RABGAP1L: variants seen among roughly 807,000 people sequenced by gnomAD.
RABGAP1L encodes RAB GTPase activating protein 1 like, also known as rab GTPase-activating protein 1-like.
RABGAP1L carries 63 observed loss-of-function variants against 137.7 expected under a neutral mutation model. The observed-to-expected ratio is 0.46, with a 90% CI of 0.37 to 0.56. RABGAP1L has a LOEUF of 0.56. RABGAP1L is among the 20% of genes least tolerant of loss of function. The pLI is 0.00. For synonymous variants in RABGAP1L, 431 were observed against 433.7 expected, an observed-to-expected ratio of 0.99 and a Z score of 0.08; for missense variants, 1,095 against 1,244.0, an observed-to-expected ratio of 0.88 and a Z score of 1.80.
chr1:174,316,750 C>T (rs898816531), intron 11 of RABGAP1L, among the ~76,000 whole-genome samples: 1 of 152,092 alleles, frequency 6.6e-6, no homozygotes, highest in Non-Finnish European at 1.5e-5. Context: ...TGGGGAGGTC[C>T]CTCAGACCCC....
chr1:174,350,082 G>A (rs1425115076), intron 11 of RABGAP1L, among the ~76,000 whole-genome samples: 21 of 138,442 alleles, frequency 1.5e-4, no homozygotes, highest in Admixed American at 4.1e-4. Context: ...CTGGCTGGGC[G>A]GGGGGCTGAC....
chr1:174,600,223 C>T (rs895035492), intron 13 of RABGAP1L, among the ~76,000 whole-genome samples: 3 of 152,166 alleles, frequency 2.0e-5, no homozygotes. Context: ...TCAATCACCT[C>T]CACCTGGGTC....
intron 15 of RABGAP1L, among the ~76,000 whole-genome samples, chr1:174,692,168 G>C (rs1678920487): frequency 6.6e-6 from 1 of 152,056 alleles, no homozygotes; most frequent in Non-Finnish European, 1.5e-5. Flanking sequence ...TAAAAAGGCA[G>C]ATATATGCAG....
At chr1:174,978,713 TACTG>T (rs1231249218) in intron 22 of RABGAP1L, 90 bp from the exon 23 acceptor site, 61 of 1,318,988 alleles carry the variant, frequency 4.6e-5, no homozygotes, top group Non-Finnish European at 5.6e-5. Context: ...TTACCATTGT[TACTG>T]ACTATGAATC....
At chr1:174,398,356 A>C (rs1270366203) in intron 13 of RABGAP1L, among the ~76,000 whole-genome samples, 1 of 151,722 alleles carries the variant, frequency 6.6e-6, no homozygotes, top group Non-Finnish European at 1.5e-5. Context: ...GTGGCTCAAA[A>C]CCCCAGTGCT....
At chr1:174,163,694 A>G (rs1664688828) in intron 1 of RABGAP1L, among the ~76,000 whole-genome samples, 1 of 151,954 alleles carries the variant, frequency 6.6e-6, no homozygotes, top group Non-Finnish European at 1.5e-5. Flanking sequence ...TGTGATAGAC[A>G]TAGTACAGCC....
At chr1:174,496,979 TCTCA>T (rs1660792888) in intron 13 of RABGAP1L, among the ~76,000 whole-genome samples, 1 of 152,204 alleles carries the variant, frequency 6.6e-6, no homozygotes, top group African/African-American at 2.4e-5. Flanking sequence ...TTCTTGAATG[TCTCA>T]GTCATTGTGT....
intron 13 of RABGAP1L, among the ~76,000 whole-genome samples, chr1:174,549,983 G>GAAC (rs200009716): frequency 6.6e-6 from 1 of 152,138 alleles, no homozygotes; most frequent in African/African-American, 2.4e-5. Flanking sequence ...AGTGCACTGT[G>GAAC]ATCATACTGT....
chr1:174,590,337 T>A (rs966828512), intron 13 of RABGAP1L, among the ~76,000 whole-genome samples: 4 of 123,776 alleles, frequency 3.2e-5, no homozygotes, highest in East Asian at 2.0e-4. Flanking sequence ...TTTTTTTTTC[T>A]TTTTTTTTTT....
chr1:174,896,288 T>C (rs1657161013), intron 19 of RABGAP1L, among the ~76,000 whole-genome samples: 1 of 152,172 alleles, frequency 6.6e-6, no homozygotes, highest in Admixed American at 6.5e-5. Flanking sequence ...TTTGATGGGG[T>C]TGTTTTTTTC....
At chr1:174,346,867 CTTTCCTT>C (rs1682480142) in intron 11 of RABGAP1L, among the ~76,000 whole-genome samples, 1 of 151,856 alleles carries the variant, frequency 6.6e-6, no homozygotes, top group South Asian at 2.1e-4. Flanking sequence ...TAGCTATAAA[CTTTCCTT>C]TTAGTACTGC....
chr1:174,618,736 TCTC>T (rs924453880), intron 13 of RABGAP1L, among the ~76,000 whole-genome samples: 4 of 152,044 alleles, frequency 2.6e-5, no homozygotes, highest in African/African-American at 9.7e-5. Flanking sequence ...TCAGAGTGCC[TCTC>T]CTCCTCCAAA....
At chr1:174,548,828 C>G (rs1469317794) in intron 13 of RABGAP1L, among the ~76,000 whole-genome samples, 1 of 152,212 alleles carries the variant, frequency 6.6e-6, no homozygotes, top group East Asian at 1.9e-4. Flanking sequence ...ACCTGAATCT[C>G]TAGGTAGCAT....
chr1:174,756,936 A>G lies in RABGAP1L; in HGVS notation c.2211+4582A>G, dbSNP rs1684813474. 5 of 889,324 alleles carry G rather than the reference A, an allele frequency of 5.6e-6. No individual in the cohort carries two copies. In the African/African-American group the frequency reaches 6.8e-5, roughly 12 times the overall value. The allele number at this position is 889,324 out of a possible 1,614,324, so 55.1% of individuals were successfully genotyped here. A position where few individuals can be genotyped will look rare whatever the true frequency, so the allele number is the denominator to read the frequency against. The stretch of plus-strand genomic sequence containing the variant: ...TTGGCACCACCAGTGTCCCTCAGCC[A>G]TTCTCAGAAGAGGTCTTCATCTTTC... On this transcript the variant is annotated intron_variant, in intron 18 of 25. Transcript: ENST00000681986.
chr1:174,801,610 T>C (rs1415448469), intron 18 of RABGAP1L, among the ~76,000 whole-genome samples: 2 of 152,198 alleles, frequency 1.3e-5, no homozygotes, highest in Middle Eastern at 3.2e-3. Context: ...CATACAATTA[T>C]AGGGGGGATA....
intron 11 of RABGAP1L, among the ~76,000 whole-genome samples, chr1:174,337,423 C>T (rs770516430): frequency 2.0e-5 from 3 of 151,992 alleles, no homozygotes; most frequent in Non-Finnish European, 4.4e-5. Context: ...GGTTATGAGG[C>T]AGTGTTTGAG....
chr1:174,535,537 C>T (rs1292050782), intron 13 of RABGAP1L, among the ~76,000 whole-genome samples: 3 of 152,050 alleles, frequency 2.0e-5, no homozygotes, highest in African/African-American at 7.2e-5. Flanking sequence ...GCTAGGTGTT[C>T]GGAATACTTT....
At chr1:174,644,608 C>A (rs187628092) in intron 14 of RABGAP1L, among the ~76,000 whole-genome samples, 41 of 151,800 alleles carry the variant, frequency 2.7e-4, no homozygotes, top group Admixed American at 5.9e-4. Flanking sequence ...CTTTATGGTG[C>A]CTCCTGAATT....
Position 174,195,717 on chromosome 1 carries a change from CTTTCT to C in RABGAP1L, c.-33-23400_-33-23396del, listed in dbSNP as rs753362582. On this transcript the variant is annotated intron_variant, in intron 1 of 25. Coordinates refer to ENST00000681986, the MANE Select transcript of RABGAP1L (RefSeq NM_001366446.1). Reference sequence around the variant, plus strand: ...CTTTCCTTCTTTCCTTCTTTCTTTTCTTTCTTTTCTTTCTTTTCTTTCTTTCTTTC... The same window carrying C: ...CTTTCCTTCTTTCCTTCTTTCTTTTCTTTCTTTCTTTTCTTTCTTTCTTTC... Among the ~76,000 whole-genome samples, 424 of 88,460 alleles carry C rather than the reference CTTTCT, an allele frequency of 4.8e-3. 7 individuals are homozygous for C. The highest frequency in any genetic ancestry group is 0.013 in the Middle Eastern group (2 of 154). The allele number at this position is 88,460 out of a possible 152,430, so 58.0% of individuals were successfully genotyped here.
Sources: gnomAD v4.1 joint callset for allele counts (sites outside exome capture counted in the v4.1 genomes callset) on GRCh38, gnomAD v4.1.1 for gene constraint, MANE v1.5 for transcripts, NCBI Gene and HGNC (gene_info 2026-07-23, HGNC 2026-07-21) for gene names.